The following ZC3H18 variants were observed in gnomAD, a reference collection of about 807,000 sequenced individuals.
ZC3H18 encodes zinc finger CCCH domain-containing protein 18.
Under a neutral mutation model 106.1 loss-of-function variants are expected in ZC3H18, and 8 were observed. That is an observed-to-expected ratio of 0.08 (90% CI 0.04 to 0.14). The LOEUF (loss-of-function observed/expected upper bound fraction) is 0.14, where lower values mean the gene tolerates loss of function less well. Ranked by LOEUF, ZC3H18 falls within the 10% of genes least tolerant of loss-of-function variation. The probability of loss-of-function intolerance (pLI) is 1.00; values close to 1 mark genes in which losing one functional copy is unlikely to be tolerated. For synonymous variants in ZC3H18, 635 were observed against 522.1 expected (o/e 1.22, Z -2.95); for missense variants, 1,318 against 1,278.4 (o/e 1.03, Z -0.47).
rs1477326912 is a variant in ZC3H18, at chr16:88,577,435, G to A, written c.312G>A (p.Gly104=). 6.2e-6 allele frequency: 10 copies of A among 1,608,550 alleles called. No individual in the cohort carries two copies. Among genetic ancestry groups the A allele is most frequent in the Middle Eastern group, 1.7e-4 (1 of 6,050 alleles). ...SSPCEEEGDE[G]EEDRTSDLRD... ...CCTGCGAGGAGGAGGGGGACGAAGG[G>A]GAGGAAGACCGGACAAGCGACCTTA... The change falls in exon 2 of 18, where the codon GGG becomes GGA. Residue 104 remains glycine, a synonymous_variant. Transcript: ENST00000301011.
intron 2 of ZC3H18, among the ~76,000 whole-genome samples, chr16:88,581,711 C>T (rs906739951): frequency 6.6e-6 from 1 of 152,340 alleles, no homozygotes; most frequent in African/African-American, 2.4e-5. Flanking sequence ...TGTTTTTATG[C>T]TCCTGCCGTC....
Position 88,598,725 on chromosome 16 carries a change from C to T in ZC3H18, c.930+13C>T. 1.2e-6 allele frequency: 2 copies of T among 1,604,076 alleles called. No homozygotes were observed. The highest frequency in any genetic ancestry group is 8.5e-7 in the Non-Finnish European group (1 of 1,174,162). On this transcript the variant is annotated intron_variant, in intron 5 of 17. Transcript: ENST00000301011. ...GCATGCAAAGGAGGTAAACACAATT[C>T]AGCAGAAATCCCGACAAGAAAGATG...
intron 6 of ZC3H18, among the ~76,000 whole-genome samples, chr16:88,604,554 C>T (rs535489623): frequency 9.2e-5 from 14 of 151,812 alleles, no homozygotes; most frequent in African/African-American, 1.7e-4. Flanking sequence ...GGCGTGGTGG[C>T]GGACACCTGT....
intron 12 of ZC3H18, 39 bp from the exon 13 acceptor site, chr16:88,625,163 G>A: frequency 6.4e-7 from 1 of 1,554,690 alleles, no homozygotes; most frequent in Non-Finnish European, 8.7e-7. Flanking sequence ...GGGCTGTGGA[G>A]GCCACGCCCC....
At position 88,627,737 on chromosome 16, in the gene ZC3H18, G is replaced by T; in HGVS notation, c.2224G>T (p.Ala742Ser). 6.2e-7 allele frequency: 1 copy of T among 1,613,190 alleles called. No individual in the cohort carries two copies. Among genetic ancestry groups the T allele is most frequent in the Non-Finnish European group, 8.5e-7 (1 of 1,179,484 alleles). Residue 742 changes from alanine (A) to serine (S), a missense_variant, in exon 14 of 18, where the codon GCC (alanine) becomes TCC (serine). Ala to Ser is a moderately conservative substitution (Grantham distance 99). This residue lies in a region of ZC3H18 where 848 missense variants were observed against 821.7 expected (regional missense o/e 1.03). Coordinates refer to ENST00000301011, the MANE Select transcript of ZC3H18 (RefSeq NM_144604.4). This position sits in a 1 kb window ranked among gnomAD's most constrained non-coding sequence, Gnocchi z 4.5. ...YADLASPVSS[A>S]SSRSPAPAQT... is the part of the protein sequence containing the mutation. ...AGACCTGGCTAGCCCCGTGTCCTCA[G>T]CCAGCTCTCGGTCCCCGGCCCCAGC...
rs760927752 is a variant in ZC3H18 at position 88,598,522 on chromosome 16, C to T, written c.838-98C>T. 448 of 1,440,582 alleles carry T rather than the reference C, an allele frequency of 3.1e-4. 1 individual carries two copies. Among genetic ancestry groups the T allele is most frequent in the Non-Finnish European group, 3.8e-4 (393 of 1,046,830 alleles). 89.2% of individuals were successfully genotyped at this position (1,440,582 alleles called of 1,614,324 possible). A position where few individuals can be genotyped will look rare whatever the true frequency, so the allele number is the denominator to read the frequency against. On this transcript the variant is annotated intron_variant, in intron 4 of 17. Transcript: ENST00000301011. ...TTGGTGGAAGGAGAGCGGCCACACA[C>T]GGCCGGCTTGTGTTGTAGTTGATGT...
At chr16:88,613,300 T>A (rs6500482) in intron 8 of ZC3H18, among the ~76,000 whole-genome samples, 133,966 of 152,186 alleles carry the variant, frequency 0.88, 59,114 homozygotes, top group East Asian at 0.95. Context: ...GCTGTTGTGG[T>A]TGTGAATTTG....
At chr16:88,598,908 G>C (rs1268384437) in intron 5 of ZC3H18, among the ~76,000 whole-genome samples, 196 bp downstream of exon 5, 3 of 152,094 alleles carry the variant, frequency 2.0e-5, no homozygotes, top group Non-Finnish European at 4.4e-5. Context: ...TGCCCAGGCT[G>C]GAGTGCAATG....
At chr16:88,577,855 G>T in intron 2 of ZC3H18, 129 bp downstream of exon 2, 2 of 1,520,496 alleles carry the variant, frequency 1.3e-6, no homozygotes, top group African/African-American at 2.8e-5. Context: ...GCAGGAGAAT[G>T]AGAGGCTTGT....
chr16:88,581,500 C>G (rs932661661), intron 2 of ZC3H18, among the ~76,000 whole-genome samples: 1 of 152,192 alleles, frequency 6.6e-6, no homozygotes, highest in African/African-American at 2.4e-5. Context: ...AGAACACCCC[C>G]TGATGCAAGT....
intron 3 of ZC3H18, among the ~76,000 whole-genome samples, chr16:88,591,630 T>C (rs1915757677): frequency 6.6e-6 from 1 of 152,086 alleles, no homozygotes; most frequent in Admixed American, 6.5e-5. Flanking sequence ...GCATTGGGTG[T>C]TTCCCTCATC....
intron 1 of ZC3H18, 39 bp from the exon 2 acceptor site, chr16:88,577,071 T>A: frequency 6.7e-7 from 1 of 1,497,368 alleles, no homozygotes; most frequent in Non-Finnish European, 8.9e-7. Context: ...TGTTTTCCAT[T>A]TTGCTAAAGG....
intron 11 of ZC3H18, 177 bp from the exon 12 acceptor site, chr16:88,624,425 C>A: frequency 9.8e-7 from 1 of 1,020,862 alleles, no homozygotes. Flanking sequence ...GCTTTGAAGC[C>A]GTTCCCAAGC....
At chr16:88,605,544 C>T (rs1484175288) in intron 6 of ZC3H18, among the ~76,000 whole-genome samples, 2 of 152,248 alleles carry the variant, frequency 1.3e-5, no homozygotes, top group African/African-American at 4.8e-5. Context: ...GACTCCCACC[C>T]TTTGCAGAGC....
chr16:88,579,179 C>T lies in ZC3H18; in HGVS notation c.603+1453C>T, dbSNP rs185545652. Among the ~76,000 whole-genome samples the T allele has an allele frequency of 3.9e-4, 59 of 152,270 alleles. No individual in the cohort carries two copies. In the East Asian group the frequency reaches 8.1e-3, roughly 21 times the overall value. On this transcript the variant is annotated intron_variant, in intron 2 of 17. Coordinates refer to ENST00000301011, the MANE Select transcript of ZC3H18 (RefSeq NM_144604.4). ...TTTTAGATGTTTCATCTTTCCGCAG[C>T]GAAGTGTAGGAAGTGGTCTCCTCAG...
intron 2 of ZC3H18, among the ~76,000 whole-genome samples, chr16:88,583,954 C>A (rs985367801): frequency 6.6e-6 from 1 of 152,194 alleles, no homozygotes; most frequent in African/African-American, 2.4e-5. Context: ...GCGTGGCAGA[C>A]ACTTAGTGTG....
intron 13 of ZC3H18, chr16:88,626,920 C>A (rs1179047256): frequency 6.6e-6 from 1 of 152,260 alleles, no homozygotes; most frequent in Admixed American, 6.5e-5. Flanking sequence ...CCTGAGACTG[C>A]GGAATTGCTC....
At chr16:88,595,241 AG>A (rs1904366602) in intron 3 of ZC3H18, among the ~76,000 whole-genome samples, 1 of 152,272 alleles carries the variant, frequency 6.6e-6, no homozygotes. Flanking sequence ...TCTTGAAGCC[AG>A]AAATAGTACT....
chr16:88,615,772 G>A (rs1009576153), intron 8 of ZC3H18, among the ~76,000 whole-genome samples: 3 of 152,168 alleles, frequency 2.0e-5, no homozygotes, highest in Admixed American at 1.3e-4. Flanking sequence ...CACGTGCCTG[G>A]CCACAGACCC....
Sources: allele counts gnomAD v4.1 joint callset (sites outside exome capture counted in the v4.1 genomes callset), GRCh38; gene constraint gnomAD v4.1.1; regional missense constraint gnomAD v4.1.1; non-coding constraint Gnocchi (gnomAD v3.1); transcripts MANE v1.5; gene names NCBI Gene and HGNC (gene_info 2026-07-23, HGNC 2026-07-21).